The following LINGO2 variants were observed in gnomAD, a reference collection of about 807,000 sequenced individuals.
LINGO2 encodes the protein leucine-rich repeat and immunoglobulin-like domain-containing nogo receptor-interacting protein 2.
In LINGO2, 14 loss-of-function variants were observed where a neutral mutation model predicts 30.6. The ratio of observed to expected loss-of-function variants is 0.46; its 90% confidence interval spans 0.30 to 0.72. LINGO2 has a LOEUF of 0.72. Among genes scored for constraint, LINGO2 ranks in the 30% least tolerant of loss-of-function variants. LINGO2 has a pLI of 0.07. For missense variants in LINGO2, 729 were observed against 751.7 expected (o/e 0.97, Z 0.35); for synonymous variants, 317 against 288.5 (o/e 1.10, Z -1.00).
At chr9:28,786,027 G>A in the LINGO2 span, among the ~76,000 whole-genome samples, 1 of 152,122 alleles carries the variant, frequency 6.6e-6, no homozygotes, top group Non-Finnish European at 1.5e-5. Flanking sequence ...ATTCACAAAT[G>A]CCAGCTCTCT....
At chr9:28,998,420 T>G in the LINGO2 span, among the ~76,000 whole-genome samples, 1 of 152,152 alleles carries the variant, frequency 6.6e-6, no homozygotes, top group Non-Finnish European at 1.5e-5. Flanking sequence ...CACAAAGAGC[T>G]TATTCTTTCT....
intron 4 of LINGO2, among the ~76,000 whole-genome samples, chr9:28,131,188 G>A (rs1341565415): frequency 1.3e-5 from 2 of 151,336 alleles, no homozygotes; most frequent in Admixed American, 6.6e-5. Flanking sequence ...AAAAACATGA[G>A]TGATTAGTGA....
chr9:28,644,713 G>T (rs1190979627), intron 1 of LINGO2, among the ~76,000 whole-genome samples: 1 of 151,950 alleles, frequency 6.6e-6, no homozygotes, highest in South Asian at 2.1e-4. Flanking sequence ...TAAAGCAAAG[G>T]ATAAATCCTT....
At chr9:28,814,818 C>T in the LINGO2 span, among the ~76,000 whole-genome samples, 1 of 152,262 alleles carries the variant, frequency 6.6e-6, no homozygotes, top group South Asian at 2.1e-4. Flanking sequence ...AACAGACACA[C>T]ACATCATTTT....
At chr9:28,408,626 G>C (rs994283063) in intron 2 of LINGO2, among the ~76,000 whole-genome samples, 3 of 147,732 alleles carry the variant, frequency 2.0e-5, no homozygotes, top group African/African-American at 7.5e-5. Flanking sequence ...GTTGTGGGGT[G>C]GGGGGAGGGG....
chr9:28,492,536 T>C (rs1240790138), intron 1 of LINGO2, among the ~76,000 whole-genome samples: 1 of 152,180 alleles, frequency 6.6e-6, no homozygotes, highest in African/African-American at 2.4e-5. Context: ...CCTGTCAAGC[T>C]TAATGTTGGT....
intron 5 of LINGO2, among the ~76,000 whole-genome samples, chr9:27,994,629 G>C (rs1004872439): frequency 1.3e-5 from 2 of 152,154 alleles, no homozygotes; most frequent in African/African-American, 2.4e-5. Flanking sequence ...TTCGATGCAT[G>C]CCTAAGGAGG....
intron 1 of LINGO2, among the ~76,000 whole-genome samples, chr9:28,637,746 A>G (rs1026284740): frequency 2.0e-5 from 3 of 152,176 alleles, no homozygotes; most frequent in African/African-American, 7.2e-5. Context: ...TTTTCTAGAT[A>G]TACAATCAAG....
chr9:27,969,617 T>G (rs1820260501), intron 5 of LINGO2, among the ~76,000 whole-genome samples: 1 of 152,186 alleles, frequency 6.6e-6, no homozygotes, highest in African/African-American at 2.4e-5. Flanking sequence ...TAAGTTTACT[T>G]GTACAAGGAC....
intron 4 of LINGO2, among the ~76,000 whole-genome samples, chr9:28,161,592 A>G (rs541413085): frequency 1.3e-5 from 2 of 152,274 alleles, no homozygotes; most frequent in African/African-American, 4.8e-5. Flanking sequence ...AGGGTAAAAA[A>G]TAGTATAATT....
chr9:29,134,034 T>G, the LINGO2 span, among the ~76,000 whole-genome samples: 1 of 152,152 alleles, frequency 6.6e-6, no homozygotes, highest in African/African-American at 2.4e-5. Flanking sequence ...ATCTCTATAG[T>G]TTTCCATGCA....
the LINGO2 span, among the ~76,000 whole-genome samples, chr9:28,889,813 A>T: frequency 6.6e-6 from 1 of 152,012 alleles, no homozygotes; most frequent in Admixed American, 6.6e-5. Context: ...GTTCTTGACC[A>T]GGAAGGTGGT....
At chr9:28,101,793 C>T (rs920491217) in intron 4 of LINGO2, among the ~76,000 whole-genome samples, 1 of 152,146 alleles carries the variant, frequency 6.6e-6, no homozygotes, top group Non-Finnish European at 1.5e-5. Flanking sequence ...GGATTACATT[C>T]CCCTGCCATC....
At position 28,018,503 on chromosome 9, in the gene LINGO2, A is replaced by G. The variant is rs572635277; in HGVS notation, c.-86-6098T>C. Among the ~76,000 whole-genome samples the G allele has an allele frequency of 1.1e-4, 16 of 152,326 alleles. No homozygotes were observed. The East Asian group carries it at 2.9e-3, about 28-fold the overall frequency. On this transcript the variant is annotated intron_variant, in intron 4 of 5. Transcript: ENST00000379992. The stretch of plus-strand genomic sequence containing the variant: ...CTCTAAGAAACTTAAAATAACAAGC[A>G]AAAAACCAAACTATTAAAAAGTAGA...
At chr9:28,325,969 T>A in intron 3 of LINGO2, among the ~76,000 whole-genome samples, 1 of 152,164 alleles carries the variant, frequency 6.6e-6, no homozygotes, top group Non-Finnish European at 1.5e-5. Context: ...TTTAAGTCTG[T>A]CCATTGCAAT....
intron 4 of LINGO2, among the ~76,000 whole-genome samples, chr9:28,024,754 T>C (rs905348377): frequency 3.9e-5 from 6 of 152,178 alleles, no homozygotes; most frequent in Admixed American, 3.3e-4. Flanking sequence ...GGGAGCCACA[T>C]GGTGAATGTG....
At chr9:28,606,007 T>C (rs929719030) in intron 1 of LINGO2, among the ~76,000 whole-genome samples, 1 of 149,500 alleles carries the variant, frequency 6.7e-6, no homozygotes, top group Non-Finnish European at 1.5e-5. Flanking sequence ...AATTACACTA[T>C]AGTGACATTA....
At chr9:28,167,712 T>C (rs1187389131) in intron 4 of LINGO2, among the ~76,000 whole-genome samples, 1 of 152,126 alleles carries the variant, frequency 6.6e-6, no homozygotes, top group Non-Finnish European at 1.5e-5. Flanking sequence ...AAAGCAGTTG[T>C]TTTCTATTTT....
chr9:29,121,716 T>C, the LINGO2 span, among the ~76,000 whole-genome samples: 6 of 152,124 alleles, frequency 3.9e-5, no homozygotes, highest in Non-Finnish European at 5.9e-5. Context: ...TGAGCCACAC[T>C]GTCATGACAT....
Sources: allele counts gnomAD v4.1 joint callset (sites outside exome capture counted in the v4.1 genomes callset), GRCh38; gene constraint gnomAD v4.1.1; transcripts MANE v1.5; gene names NCBI Gene and HGNC (gene_info 2026-07-23, HGNC 2026-07-21).